Variants in CERS2 observed in about 807,000 individuals in gnomAD.
The protein encoded by CERS2 is LAG1 homolog, ceramide synthase 2.
A neutral mutation model predicts 56.6 loss-of-function variants in CERS2; 20 were observed. The ratio of observed to expected loss-of-function variants is 0.35; its 90% CI spans 0.25 to 0.51. CERS2 has a LOEUF of 0.51. Ranked by LOEUF, CERS2 falls within the 20% of genes least tolerant of loss-of-function variation. The pLI is 0.96. For missense variants in CERS2, 361 were observed against 488.6 expected (o/e 0.74, Z 2.46); for synonymous variants, 187 against 175.4 (o/e 1.07, Z -0.52).
Position 150,974,672 on chromosome 1 carries a change from C to A in CERS2, c.-55G>T. 6.6e-6 allele frequency: 1 copy of A among 150,690 alleles called. No individual in the cohort carries two copies. Among genetic ancestry groups the A allele is most frequent in the South Asian group, 1.8e-4 (1 of 5,612 alleles). 9.3% of individuals were successfully genotyped at this position (150,690 alleles called of 1,614,324 possible). A position where few individuals can be genotyped will look rare whatever the true frequency, so the allele number is the denominator to read the frequency against. ...CGCTGCTCCGTGTACTCCGTCTGCT[C>A]GGGTGGTTGCTCCGAGGCCCCGAGG... On this transcript the variant is annotated 5_prime_UTR_variant, in exon 1 of 11. Coordinates refer to ENST00000368954, the MANE Select transcript of CERS2 (RefSeq NM_022075.5).
At position 150,967,820 on chromosome 1, in the gene CERS2, A is replaced by G. The variant is rs142656631; in HGVS notation, c.468T>C (p.Asp156=). ...AFIAGMAVIV[D]KPWFYDMKKV... Reference sequence around the variant, plus strand: ...CCACCTCCCAGTAATCCCCACTCACATCCACAATGACGGCCATGCCGGCAA... The same window carrying G: ...CCACCTCCCAGTAATCCCCACTCACGTCCACAATGACGGCCATGCCGGCAA... Residue 156 remains aspartate (D), a splice_region_variant and synonymous_variant, in exon 5 of 11, where the codon GAT becomes GAC. Coordinates refer to ENST00000368954, the MANE Select transcript of CERS2 (RefSeq NM_022075.5). The G allele has an allele frequency of 1.5e-4, 248 of 1,613,502 alleles. 1 individual carries two copies. The African/African-American group carries it at 3.0e-3, about 19-fold the overall frequency.
chr1:150,969,839 G>C (rs1290351901), intron 1 of CERS2, among the ~76,000 whole-genome samples: 2 of 152,096 alleles, frequency 1.3e-5, no homozygotes, highest in East Asian at 3.9e-4. Context: ...AAGCTTCCAG[G>C]GGGTGCCCCA....
intron 4 of CERS2, 40 bp from the exon 5 acceptor site, chr1:150,967,917 A>G (rs745677029): frequency 1.0e-5 from 16 of 1,543,822 alleles, no homozygotes; most frequent in African/African-American, 1.4e-5. Context: ...AGAGGATAGC[A>G]CAGTCCCCCA....
chr1:150,972,569 G>A (rs1439908278), intron 1 of CERS2, among the ~76,000 whole-genome samples: 2 of 152,198 alleles, frequency 1.3e-5, no homozygotes, highest in South Asian at 2.1e-4. Context: ...CAGGCCCCCT[G>A]GGCCTTCAGG....
At chr1:150,968,693 C>T (rs189678915) in intron 2 of CERS2, among the ~76,000 whole-genome samples, 181 bp from the exon 3 acceptor site, 34 of 152,154 alleles carry the variant, frequency 2.2e-4, no homozygotes, top group African/African-American at 6.5e-4. Flanking sequence ...AGGCGGGCGG[C>T]GGGTAGAGGG....
chr1:150,967,044 C>A (rs759019764), intron 8 of CERS2, 30 bp downstream of exon 8: 6 of 1,612,856 alleles, frequency 3.7e-6, no homozygotes, highest in Middle Eastern at 1.7e-4. Context: ...AGAACCTGCA[C>A]CAGGGTCTCT....
Position 150,966,875 on chromosome 1 carries a change from C to T in CERS2, c.742-13G>A. On this transcript the variant is annotated splice_polypyrimidine_tract_variant and intron_variant, in intron 8 of 10. Coordinates refer to ENST00000368954, the MANE Select transcript of CERS2 (RefSeq NM_022075.5). ...ACATCTTGGCTGACTGCATAGAGAG[C>T]CCCCATCCATCATCATGGGCTCCTG... is the stretch of plus-strand genomic sequence containing the variant. The T allele has an allele frequency of 6.3e-7, 1 of 1,590,934 alleles. No homozygotes were observed. Among genetic ancestry groups the T allele is most frequent in the Non-Finnish European group, 8.6e-7 (1 of 1,159,212 alleles).
In CERS2 at chr1:150,966,667, A is replaced by G. The variant is rs368663586; in HGVS notation, c.849-38T>C. ...GGAGAGAGAGAACGTGGACAAGAGC[A>G]GGTCAGACACCGGGGAGATACAGGA... On this transcript the variant is annotated intron_variant, in intron 9 of 10. Transcript: ENST00000368954. The G allele has an allele frequency of 7.4e-5, 120 of 1,612,028 alleles. No homozygotes were observed. The African/African-American group carries it at 1.5e-3, about 20-fold the overall frequency.
At chr1:150,969,262 C>T (rs587641745) in intron 1 of CERS2, 171 bp from the exon 2 acceptor site, 9 of 613,292 alleles carry the variant, frequency 1.5e-5, no homozygotes, top group African/African-American at 3.7e-5. Flanking sequence ...ATCTGTAATA[C>T]GGTGGCTTTC....
intron 7 of CERS2, 28 bp downstream of exon 7, chr1:150,967,364 G>A: frequency 8.0e-6 from 12 of 1,507,640 alleles, no homozygotes; most frequent in East Asian, 2.3e-5. Flanking sequence ...TTGGCTCTGA[G>A]GCTTAATTGC....
rs772637189 is a variant in CERS2 at position 150,968,522 on chromosome 1, G to A, written c.174-10C>T. ...TGGTGTAGCCACGTACCTGGGGAAG[G>A]GATATGAGTAAGGTATCTAGCTTGC... On this transcript the variant is annotated splice_polypyrimidine_tract_variant and intron_variant, in intron 2 of 10. Coordinates refer to ENST00000368954, the MANE Select transcript of CERS2 (RefSeq NM_022075.5). 10 of 1,590,282 alleles carry A rather than the reference G, an allele frequency of 6.3e-6. No individual in the cohort carries two copies. Among genetic ancestry groups the A allele is most frequent in the Middle Eastern group, 1.7e-4 (1 of 6,018 alleles).
intron 1 of CERS2, among the ~76,000 whole-genome samples, chr1:150,973,363 T>C (rs1671230523): frequency 6.6e-6 from 1 of 151,968 alleles, no homozygotes; most frequent in African/African-American, 2.4e-5. Context: ...GAGACGCCGG[T>C]GGGTTTGAGA....
intron 3 of CERS2, 92 bp from the exon 4 acceptor site, chr1:150,968,293 C>T: frequency 6.8e-7 from 1 of 1,468,908 alleles, no homozygotes; most frequent in South Asian, 1.2e-5. Context: ...GTCAGCACCA[C>T]TGCTTCCCCA....
At chr1:150,968,289 A>T in intron 3 of CERS2, 88 bp from the exon 4 acceptor site, 1 of 1,472,096 alleles carries the variant, frequency 6.8e-7, no homozygotes, top group Non-Finnish European at 9.5e-7. Flanking sequence ...CTCAGTCAGC[A>T]CCACTGCTTC....
rs1231928169 is a variant in CERS2 at position 150,968,999 on chromosome 1, C to A, written c.92G>T (p.Arg31Leu). Residue 31 changes from arginine (R) to leucine (L), a missense_variant, in exon 2 of 11, where the codon CGT (arginine) becomes CTT (leucine). By Grantham distance (102) the Arg-to-Leu change is moderately radical. Transcript: ENST00000368954. ...TWADLEDRDG[R>L]VYAKASDLYI... ...GAGATCTGAGGCTTTGGCGTAGACA[C>A]GTCCATCTCGGTCTTCTAGATCGGC... is the stretch of plus-strand genomic sequence containing the variant. 1.2e-6 allele frequency: 2 copies of A among 1,614,082 alleles called. No individual in the cohort carries two copies. The highest frequency in any genetic ancestry group is 4.5e-5 in the East Asian group (2 of 44,880).
At chr1:150,969,297 C>A in intron 1 of CERS2, 1 of 556,236 alleles carries the variant, frequency 1.8e-6, no homozygotes, top group Non-Finnish European at 3.2e-6. Flanking sequence ...ACTGTTAGGC[C>A]GGCCGTGATG....
In CERS2 at chr1:150,966,790, AAAC is replaced by A; in HGVS notation, c.811_813del (p.Val271del). 1 of 1,614,108 alleles carries A rather than the reference AAAC, an allele frequency of 6.2e-7. No individual in the cohort carries two copies. Among genetic ancestry groups the A allele is most frequent in the Non-Finnish European group, 8.5e-7 (1 of 1,179,992 alleles). On this transcript the variant is annotated inframe_deletion, in exon 9 of 11. Transcript: ENST00000368954. ...AGGATGACCAGTCGGGTGATGATAA[AAAC>A]AATGGCGAAGACGATGAAGATGTTG...
intron 1 of CERS2, among the ~76,000 whole-genome samples, chr1:150,970,496 T>C (rs990286995): frequency 6.6e-6 from 1 of 152,086 alleles, no homozygotes. Context: ...GAGCTATTCT[T>C]TTATTTTCTT....
intron 6 of CERS2, 63 bp from the exon 7 acceptor site, chr1:150,967,547 C>T: frequency 7.1e-7 from 1 of 1,402,214 alleles, no homozygotes; most frequent in Non-Finnish European, 1.0e-6. Context: ...CACAAACCCC[C>T]TAGCCCCTGA....
Sources: allele counts gnomAD v4.1 joint callset (sites outside exome capture counted in the v4.1 genomes callset), GRCh38; gene constraint gnomAD v4.1.1; transcripts MANE v1.5; gene names NCBI Gene and HGNC (gene_info 2026-07-23, HGNC 2026-07-21).